Variants in CCDC192 observed in about 807,000 individuals in gnomAD.
CCDC192 encodes coiled-coil domain containing 192.
At chr5:127,733,342 C>T (rs148928393) in intron 2 of CCDC192, among the ~76,000 whole-genome samples, 4 of 152,164 alleles carry the variant, frequency 2.6e-5, no homozygotes, top group East Asian at 3.9e-4. Context: ...GTGGACCAGC[C>T]GTTATACTAA....
Position 127,837,200 on chromosome 5 carries a change from C to A in CCDC192, c.412-38338C>A, listed in dbSNP as rs1262759414. Among the ~76,000 whole-genome samples, 3 of 81,304 alleles carry A rather than the reference C, an allele frequency of 3.7e-5. 1 individual carries two copies. The highest frequency in any genetic ancestry group is 8.8e-5 in the Non-Finnish European group (3 of 34,116). 53.3% of individuals were successfully genotyped at this position (81,304 alleles called of 152,430 possible). A position where few individuals can be genotyped will look rare whatever the true frequency, so the allele number is the denominator to read the frequency against. On this transcript the variant is annotated intron_variant, in intron 5 of 6. Transcript: ENST00000514853. Reference sequence around the variant, plus strand: ...TATCTTTATCATAGTACACTACTCTCTGAGATACCAAATTACTGTATTAGT... The same window carrying A: ...TATCTTTATCATAGTACACTACTCTATGAGATACCAAATTACTGTATTAGT...
chr5:127,792,549 T>C (rs1413398370), intron 3 of CCDC192, among the ~76,000 whole-genome samples: 4 of 150,454 alleles, frequency 2.7e-5, no homozygotes, highest in Admixed American at 2.7e-4. Flanking sequence ...TATATATATG[T>C]ATAAAAATTA....
At chr5:127,816,823 G>A (rs1749046957) in intron 5 of CCDC192, among the ~76,000 whole-genome samples, 1 of 152,156 alleles carries the variant, frequency 6.6e-6, no homozygotes, top group Non-Finnish European at 1.5e-5. Context: ...GTTCAAAGAT[G>A]GTTGGCAGGC....
intron 5 of CCDC192, among the ~76,000 whole-genome samples, chr5:127,814,643 C>T (rs1273488269): frequency 6.6e-6 from 1 of 152,192 alleles, no homozygotes; most frequent in Non-Finnish European, 1.5e-5. Flanking sequence ...GGAGATCTTT[C>T]TATGACTTCT....
chr5:127,786,377 T>A, intron 3 of CCDC192: 2 of 634,678 alleles, frequency 3.2e-6, no homozygotes, highest in Non-Finnish European at 5.8e-6. Context: ...CTTTATACAC[T>A]GTTAATGTAG....
chr5:127,749,396 T>C (rs1406010508), intron 2 of CCDC192, among the ~76,000 whole-genome samples: 1 of 152,140 alleles, frequency 6.6e-6, no homozygotes, highest in Non-Finnish European at 1.5e-5. Context: ...TTTGGCTCTT[T>C]TTATATGCTG....
At chr5:127,866,686 T>G (rs192832282) in intron 5 of CCDC192, among the ~76,000 whole-genome samples, 20 of 152,160 alleles carry the variant, frequency 1.3e-4, no homozygotes, top group African/African-American at 4.8e-4. Context: ...TCAGCAATTT[T>G]CAAAACATTC....
At chr5:127,760,152 A>G (rs1472579144) in intron 3 of CCDC192, among the ~76,000 whole-genome samples, 1 of 152,082 alleles carries the variant, frequency 6.6e-6, no homozygotes, top group Non-Finnish European at 1.5e-5. Flanking sequence ...TATAAATTTT[A>G]TTTTTCAACA....
intron 5 of CCDC192, among the ~76,000 whole-genome samples, chr5:127,831,841 A>G (rs377146324): frequency 6.6e-6 from 1 of 152,158 alleles, no homozygotes; most frequent in East Asian, 1.9e-4. Flanking sequence ...TAATAAGAAT[A>G]TTATGTCAAA....
At chr5:127,788,073 C>T (rs1256276858) in intron 3 of CCDC192, among the ~76,000 whole-genome samples, 1 of 108,046 alleles carries the variant, frequency 9.3e-6, no homozygotes, top group Non-Finnish European at 1.7e-5. Flanking sequence ...CAGAGTGAGA[C>T]TTCACCTCAG....
intron 2 of CCDC192, among the ~76,000 whole-genome samples, chr5:127,744,332 G>A (rs928273791): frequency 6.6e-6 from 1 of 151,736 alleles, no homozygotes; most frequent in African/African-American, 2.4e-5. Context: ...TTGAAGAAGG[G>A]TAAGGAAGAA....
In CCDC192 at chr5:127,918,480, C is replaced by G. The variant is rs994329561; in HGVS notation, c.536-22702C>G. Among the ~76,000 whole-genome samples, 36 of 152,092 alleles carry G rather than the reference C, an allele frequency of 2.4e-4. 1 individual carries two copies. The highest frequency in any genetic ancestry group is 1.5e-3 in the Admixed American group (23 of 15,264). ...GACTGGTTTTTAGTCATTGTTTTATCCCCAAGGCCTAACTTAGAGGCTTGT... is the reference window on the plus strand; with the variant it reads ...GACTGGTTTTTAGTCATTGTTTTATGCCCAAGGCCTAACTTAGAGGCTTGT... On this transcript the variant is annotated intron_variant, in intron 6 of 6. Transcript: ENST00000514853.
intron 4 of CCDC192, among the ~76,000 whole-genome samples, chr5:127,797,754 TATATATATATATATA>T (rs1757246774): frequency 7.2e-6 from 1 of 138,116 alleles, no homozygotes; most frequent in Non-Finnish European, 1.5e-5. Context: ...TATATATATA[TATATATATATATATA>T]TATATATATT....
chr5:127,818,075 G>A (rs1281345700), intron 5 of CCDC192, among the ~76,000 whole-genome samples: 1 of 152,102 alleles, frequency 6.6e-6, no homozygotes, highest in African/African-American at 2.4e-5. Context: ...ACCCAGCATA[G>A]CTTTTTCCCA....
At chr5:127,787,439 A>G (rs571009688) in intron 3 of CCDC192, among the ~76,000 whole-genome samples, 1 of 152,172 alleles carries the variant, frequency 6.6e-6, no homozygotes, top group Non-Finnish European at 1.5e-5. Context: ...TTTTGTCTTC[A>G]TTTGTTTCTA....
intron 5 of CCDC192, among the ~76,000 whole-genome samples, chr5:127,817,842 C>T (rs2127013211): frequency 6.6e-6 from 1 of 152,184 alleles, no homozygotes; most frequent in Admixed American, 6.5e-5. Context: ...AGGATGAGGG[C>T]TGGAAACATG....
chr5:127,879,232 A>T (rs1330147254), intron 6 of CCDC192, among the ~76,000 whole-genome samples: 2 of 151,768 alleles, frequency 1.3e-5, no homozygotes, highest in Admixed American at 1.3e-4. Flanking sequence ...CTGGTACCAA[A>T]ACAGAGATAT....
intron 3 of CCDC192, among the ~76,000 whole-genome samples, chr5:127,776,379 A>G (rs1755857656): frequency 6.6e-6 from 1 of 152,230 alleles, no homozygotes; most frequent in Non-Finnish European, 1.5e-5. Context: ...ATCTAGCAGA[A>G]GAAATTTCTA....
intron 6 of CCDC192, among the ~76,000 whole-genome samples, chr5:127,888,101 T>C (rs1161786306): frequency 6.6e-6 from 1 of 152,074 alleles, no homozygotes; most frequent in African/African-American, 2.4e-5. Flanking sequence ...ATATATGTAT[T>C]GTGATCGTAT....
Sources: allele counts gnomAD v4.1 joint callset (sites outside exome capture counted in the v4.1 genomes callset), GRCh38; gene constraint gnomAD v4.1.1; transcripts MANE v1.5; gene names NCBI Gene and HGNC (gene_info 2026-07-23, HGNC 2026-07-21).